Variants in PLXNA2 observed in about 807,000 individuals in gnomAD.
PLXNA2 encodes plexin-A2.
In PLXNA2, 91 loss-of-function variants were observed where a neutral mutation model predicts 193.5. The observed-to-expected ratio is 0.47, with a 90% CI of 0.40 to 0.56. The LOEUF (loss-of-function observed/expected upper bound fraction) is 0.56, where lower values mean the gene tolerates loss of function less well. Ranked by LOEUF, PLXNA2 falls within the 20% of genes least tolerant of loss-of-function variation. The probability of loss-of-function intolerance (pLI) is 0.00; values close to 1 mark genes in which losing one functional copy is unlikely to be tolerated. For missense variants in PLXNA2, 1,995 were observed against 2,503.2 expected (o/e 0.80, Z 4.33); for synonymous variants, 997 against 1,027.3 (o/e 0.97, Z 0.56).
At chr1:208,132,300 C>A (rs1045214109) in intron 4 of PLXNA2, among the ~76,000 whole-genome samples, 1 of 152,154 alleles carries the variant, frequency 6.6e-6, no homozygotes, top group Non-Finnish European at 1.5e-5. Flanking sequence ...GAACCCTTTT[C>A]CTAACTGGGA....
intron 3 of PLXNA2, among the ~76,000 whole-genome samples, chr1:208,198,876 G>A (rs1670449337): frequency 6.6e-6 from 1 of 152,220 alleles, no homozygotes; most frequent in Admixed American, 6.5e-5. Flanking sequence ...GTAGCATTGA[G>A]ACTCTGCCAA....
rs548750407 is a variant in PLXNA2 at position 208,236,021 on chromosome 1, G to C, written c.-81+7622C>G. Among the ~76,000 whole-genome samples the C allele has an allele frequency of 3.9e-5, 6 of 152,162 alleles. No homozygotes were observed. The highest frequency in any genetic ancestry group is 7.4e-5 in the Non-Finnish European group (5 of 68,018). On this transcript the variant is annotated intron_variant, in intron 1 of 31. Coordinates refer to ENST00000367033, the MANE Select transcript of PLXNA2 (RefSeq NM_025179.4). This position sits in a 1 kb window ranked among gnomAD's most constrained non-coding sequence, Gnocchi z 4.4. Reference sequence around the variant, plus strand: ...AGTTTTAAGCAGCTGGAGTCAGGGTGGGGCATCAGTGTTGTCAGGGCACTG... The same window carrying C: ...AGTTTTAAGCAGCTGGAGTCAGGGTCGGGCATCAGTGTTGTCAGGGCACTG...
intron 3 of PLXNA2, among the ~76,000 whole-genome samples, chr1:208,163,963 C>CA (rs1669215355): frequency 6.6e-6 from 1 of 152,210 alleles, no homozygotes; most frequent in Admixed American, 6.5e-5. Flanking sequence ...TCACCACCCC[C>CA]ACAAAGGGGC....
chr1:208,180,914 C>G (rs1669821795), intron 3 of PLXNA2, among the ~76,000 whole-genome samples: 5 of 152,234 alleles, frequency 3.3e-5, no homozygotes, highest in Admixed American at 2.6e-4. Flanking sequence ...CCATGTCAAG[C>G]TTCTGGGGTC....
At chr1:208,115,995 G>A (rs998498148) in intron 4 of PLXNA2, among the ~76,000 whole-genome samples, 17 of 152,202 alleles carry the variant, frequency 1.1e-4, no homozygotes, top group African/African-American at 3.1e-4. Flanking sequence ...TCTAAATTCT[G>A]CTCCTCACCC....
chr1:208,154,097 C>T (rs1040493532), intron 3 of PLXNA2, among the ~76,000 whole-genome samples: 2 of 152,160 alleles, frequency 1.3e-5, no homozygotes, highest in African/African-American at 4.8e-5. Flanking sequence ...TTGCTCCCTG[C>T]CATCACTGCT....
intron 4 of PLXNA2, among the ~76,000 whole-genome samples, chr1:208,108,136 G>C (rs1667333082): frequency 6.6e-6 from 1 of 152,044 alleles, no homozygotes; most frequent in Non-Finnish European, 1.5e-5. Context: ...GCAGAGTGTG[G>C]GGCAGTTTTC....
At chr1:208,224,256 G>T (rs538530605) in intron 1 of PLXNA2, among the ~76,000 whole-genome samples, 2 of 151,836 alleles carry the variant, frequency 1.3e-5, no homozygotes, top group South Asian at 4.2e-4. Flanking sequence ...TCATGGGTTT[G>T]AGCTGATTTT....
chr1:208,177,854 C>T (rs961634403), intron 3 of PLXNA2, among the ~76,000 whole-genome samples: 2 of 152,200 alleles, frequency 1.3e-5, no homozygotes, highest in Admixed American at 6.5e-5. Context: ...CAGCAATTTG[C>T]GTTTTAACAA....
At chr1:208,190,107 G>A (rs1228105973) in intron 3 of PLXNA2, among the ~76,000 whole-genome samples, 1 of 152,198 alleles carries the variant, frequency 6.6e-6, no homozygotes, top group Non-Finnish European at 1.5e-5. Context: ...GTATGTGTGT[G>A]TATATGAGTA....
At chr1:208,235,600 C>A (rs372269787) in intron 1 of PLXNA2, among the ~76,000 whole-genome samples, 2 of 152,146 alleles carry the variant, frequency 1.3e-5, no homozygotes, top group Non-Finnish European at 2.9e-5. Flanking sequence ...AGGGAACAAA[C>A]GGAGGGTGAG....
chr1:208,023,310 T>C lies in PLXNA2; in HGVS notation c.*3933A>G, dbSNP rs532358528. ...TCTCCTGGAGCAGCTGCTGGATCAG[T>C]ATTTACCAGGAGCAGGTTAATGGGG... is the stretch of plus-strand genomic sequence containing the variant. On this transcript the variant is annotated 3_prime_UTR_variant, in exon 32 of 32. Transcript: ENST00000367033. 4.6e-5 allele frequency: 7 copies of C among 152,764 alleles called. No individual in the cohort carries two copies. In the South Asian group the frequency reaches 1.5e-3, roughly 32 times the overall value. 9.5% of individuals were successfully genotyped at this position (152,764 alleles called of 1,614,324 possible).
rs551083764 is a variant in PLXNA2, at chr1:208,208,318, C to T, written c.1371+1962G>A. 8.5e-5 allele frequency among the ~76,000 whole-genome samples: 13 copies of T among 152,316 alleles called. No homozygotes were observed. The East Asian group carries it at 2.1e-3, about 25-fold the overall frequency. On this transcript the variant is annotated intron_variant, in intron 3 of 31. Coordinates refer to ENST00000367033, the MANE Select transcript of PLXNA2 (RefSeq NM_025179.4). ...TCTCCCTCCCTGGGCTCTAGAGCTA[C>T]TTCTTTAAGTAAAAATGGTGCCAAA...
intron 1 of PLXNA2, among the ~76,000 whole-genome samples, chr1:208,232,526 T>C (rs1352145325): frequency 6.6e-6 from 1 of 152,256 alleles, no homozygotes; most frequent in Non-Finnish European, 1.5e-5. Context: ...TGACTTTCGT[T>C]TCTTTGCTAA....
chr1:208,201,788 G>T (rs541732957), intron 3 of PLXNA2, among the ~76,000 whole-genome samples: 1 of 152,064 alleles, frequency 6.6e-6, no homozygotes, highest in Non-Finnish European at 1.5e-5. Context: ...AGTCACAATT[G>T]TAGTAATATT....
chr1:208,038,765 C>A lies in PLXNA2; in HGVS notation c.4660+60G>T. The A allele has an allele frequency of 6.5e-7, 1 of 1,541,874 alleles. No homozygotes were observed. On this transcript the variant is annotated intron_variant, in intron 25 of 31. Transcript: ENST00000367033. This position sits in a 1 kb window ranked among gnomAD's most constrained non-coding sequence, Gnocchi z 4.1. ...GCCCCTGCAAGGGTTGTGTGCATGG[C>A]AGCTTCCCTTCCTTCACCTCTCAAC... is the stretch of plus-strand genomic sequence containing the variant.
At position 208,215,130 on chromosome 1, in the gene PLXNA2, G is replaced by T. The variant is rs1257101619; in HGVS notation, c.1188+1605C>A. 3.3e-5 allele frequency among the ~76,000 whole-genome samples: 5 copies of T among 152,036 alleles called. No individual in the cohort carries two copies. In the East Asian group the frequency reaches 7.7e-4, roughly 23 times the overall value. On this transcript the variant is annotated intron_variant, in intron 2 of 31. Transcript: ENST00000367033. Reference sequence around the variant, plus strand: ...CATGCTCAGGCCTCCAGAGTAGCTGGTACTACAGGTGTGCATCACCACACC... The same window carrying T: ...CATGCTCAGGCCTCCAGAGTAGCTGTTACTACAGGTGTGCATCACCACACC...
intron 2 of PLXNA2, 93 bp downstream of exon 2, chr1:208,216,642 G>A: frequency 1.4e-6 from 2 of 1,414,678 alleles, no homozygotes; most frequent in Non-Finnish European, 9.5e-7. Flanking sequence ...CAGGTCCATG[G>A]TGGTGTGGGA....
chr1:208,092,333 C>G (rs1295700775), intron 9 of PLXNA2, among the ~76,000 whole-genome samples: 3 of 152,134 alleles, frequency 2.0e-5, no homozygotes, highest in African/African-American at 4.8e-5. Context: ...ACATCAGAGT[C>G]AAAGAATCAT....
Sources: allele counts gnomAD v4.1 joint callset (sites outside exome capture counted in the v4.1 genomes callset), GRCh38; gene constraint gnomAD v4.1.1; non-coding constraint Gnocchi (gnomAD v3.1); transcripts MANE v1.5; gene names NCBI Gene and HGNC (gene_info 2026-07-23, HGNC 2026-07-21).